The following STK4 variants were observed in gnomAD, a reference collection of about 807,000 sequenced individuals.
The protein encoded by STK4 is serine/threonine kinase 4, also known as serine/threonine-protein kinase 4.
Under a neutral mutation model 64.9 loss-of-function variants are expected in STK4, and 30 were observed. The observed-to-expected ratio is 0.46, with a 90% CI of 0.35 to 0.63. The LOEUF (loss-of-function observed/expected upper bound fraction) is 0.63. Ranked by LOEUF, STK4 falls within the 20% of genes least tolerant of loss-of-function variation. STK4 has a pLI of 0.01. For synonymous variants in STK4, 177 were observed against 199.0 expected (o/e 0.89, Z 0.93); for missense variants, 466 against 598.5 (o/e 0.78, Z 2.31).
intron 9 of STK4, chr20:45,007,765 A>T (rs1449904389): frequency 2.4e-6 from 1 of 418,428 alleles, no homozygotes; most frequent in East Asian, 7.2e-5. Flanking sequence ...TTATTTATTT[A>T]AAAAATTTCA....
At chr20:45,026,318 A>AGTGCGTGTGT (rs1555817268) in intron 10 of STK4, among the ~76,000 whole-genome samples, 1 of 145,688 alleles carries the variant, frequency 6.9e-6, no homozygotes, top group Non-Finnish European at 1.5e-5. Flanking sequence ...AGACAGAAAG[A>AGTGCGTGTGT]GTGTGTGTGT....
intron 2 of STK4, chr20:44,974,445 GCA>G (rs2067303277): frequency 6.6e-6 from 1 of 152,090 alleles, no homozygotes; most frequent in South Asian, 2.1e-4. Flanking sequence ...GACCTTCACT[GCA>G]CTTCTTTTCC....
intron 10 of STK4, among the ~76,000 whole-genome samples, chr20:45,058,025 TA>T (rs1978640183): frequency 6.6e-6 from 1 of 150,562 alleles, no homozygotes; most frequent in Non-Finnish European, 1.5e-5. Flanking sequence ...GAACAAATGA[TA>T]AAAACTTATA....
intron 10 of STK4, among the ~76,000 whole-genome samples, chr20:45,059,287 T>G (rs2145455765): frequency 6.6e-6 from 1 of 152,356 alleles, no homozygotes; most frequent in Admixed American, 6.5e-5. Flanking sequence ...CTTAGCAGCC[T>G]TAGTGTATGA....
chr20:45,040,446 T>A (rs2157362), intron 10 of STK4, among the ~76,000 whole-genome samples: 79,019 of 151,782 alleles, frequency 0.52, 21,731 homozygotes, highest in African/African-American at 0.68. Flanking sequence ...AATCCTTTCA[T>A]CTATTTCTTA....
In STK4 at chr20:45,076,611, T is replaced by C. The variant is rs1251279427; in HGVS notation, c.*1435T>C. 2.0e-5 allele frequency: 3 copies of C among 152,266 alleles called. No homozygotes were observed. Among genetic ancestry groups the C allele is most frequent in the African/African-American group, 2.4e-5 (1 of 41,428 alleles). The allele number at this position is 152,266 out of a possible 1,614,324, so 9.4% of individuals were successfully genotyped here. On this transcript the variant is annotated 3_prime_UTR_variant, in exon 11 of 11. Transcript: ENST00000372806. This position sits in a 1 kb window ranked among gnomAD's most constrained non-coding sequence, Gnocchi z 4.0. ...TGAGCTCCACAACATCTACCAGATA[T>C]AGCAGACAAGCACCCATGGAGGCAG...
At chr20:45,040,583 A>G (rs544684259) in intron 10 of STK4, among the ~76,000 whole-genome samples, 1 of 150,260 alleles carries the variant, frequency 6.7e-6, no homozygotes, top group South Asian at 2.1e-4. Flanking sequence ...GAGATGTGAG[A>G]TGTTCCAGGC....
intron 9 of STK4, among the ~76,000 whole-genome samples, chr20:45,012,949 T>C (rs1446968469): frequency 7.0e-4 from 1 of 1,430 alleles, no homozygotes; most frequent in Non-Finnish European, 2.5e-3. Flanking sequence ...ACACCTGTGA[T>C]TTTTTTTTTT....
rs181660080 is a variant in STK4 at position 45,064,100 on chromosome 20, G to A, written c.1306-10918G>A. ...TGGGATTACAGGCGTGAGCCACTGC[G>A]CCCGGCCAAGGGGGGGGGTCCAGTT... On this transcript the variant is annotated intron_variant, in intron 10 of 10. Coordinates refer to ENST00000372806, the MANE Select transcript of STK4 (RefSeq NM_006282.5). Among the ~76,000 whole-genome samples, 97 of 150,342 alleles carry A rather than the reference G, an allele frequency of 6.5e-4. No homozygotes were observed. The Middle Eastern group carries it at 0.01, about 16-fold the overall frequency.
At chr20:44,999,416 G>A (rs1352349419) in intron 7 of STK4, among the ~76,000 whole-genome samples, 1 of 152,152 alleles carries the variant, frequency 6.6e-6, no homozygotes, top group Admixed American at 6.5e-5. Context: ...GTTCTTACTT[G>A]GAACTTGTAT....
intron 10 of STK4, among the ~76,000 whole-genome samples, chr20:45,051,573 T>C (rs968613644): frequency 2.6e-5 from 4 of 152,188 alleles, no homozygotes. Flanking sequence ...TGTGGGTTGA[T>C]TTGTTGTGCT....
chr20:45,068,631 C>A (rs1371978158), intron 10 of STK4, among the ~76,000 whole-genome samples: 1 of 152,184 alleles, frequency 6.6e-6, no homozygotes, highest in Non-Finnish European at 1.5e-5. Context: ...TTCACAAACA[C>A]ACTCCCATTT....
rs902920403 is a variant in STK4, at chr20:44,981,738, G to C, written c.246-91G>C. 74 of 737,792 alleles carry C rather than the reference G, an allele frequency of 1.0e-4. No individual in the cohort carries two copies. In the African/African-American group the frequency reaches 1.1e-3, roughly 11 times the overall value. The allele number at this position is 737,792 out of a possible 1,614,324, so 45.7% of individuals were successfully genotyped here. On this transcript the variant is annotated intron_variant, in intron 3 of 10. Coordinates refer to ENST00000372806, the MANE Select transcript of STK4 (RefSeq NM_006282.5). ...TAACTATGAATAATTGATCTTTCCAGATGAGGAATTAATTTGTATATACTT... is the reference window on the plus strand; with the variant it reads ...TAACTATGAATAATTGATCTTTCCACATGAGGAATTAATTTGTATATACTT...
At chr20:45,033,351 C>G (rs1018189062) in intron 10 of STK4, among the ~76,000 whole-genome samples, 13 of 152,104 alleles carry the variant, frequency 8.5e-5, no homozygotes, top group Non-Finnish European at 5.9e-5. Context: ...TTCGCCAGGT[C>G]CTATATCCAG....
chr20:45,009,233 C>T (rs1188847483), intron 9 of STK4, among the ~76,000 whole-genome samples: 1 of 152,164 alleles, frequency 6.6e-6, no homozygotes, highest in Non-Finnish European at 1.5e-5. Flanking sequence ...GATAAGGATC[C>T]ACTTTCAATC....
At chr20:44,987,977 T>A (rs572720952) in intron 5 of STK4, among the ~76,000 whole-genome samples, 3 of 151,844 alleles carry the variant, frequency 2.0e-5, no homozygotes, top group African/African-American at 7.3e-5. Flanking sequence ...GTTTTTTTTT[T>A]ATTATTTTTT....
intron 9 of STK4, among the ~76,000 whole-genome samples, chr20:45,017,961 A>G (rs1370148132): frequency 6.6e-6 from 1 of 152,204 alleles, no homozygotes; most frequent in Non-Finnish European, 1.5e-5. Context: ...GATTCCAGCA[A>G]TTCTTAGTGG....
chr20:45,000,989 C>T (rs891168197), intron 8 of STK4, among the ~76,000 whole-genome samples, 178 bp from the exon 9 acceptor site: 2 of 152,170 alleles, frequency 1.3e-5, no homozygotes, highest in Admixed American at 6.5e-5. Context: ...CTTATTATCA[C>T]GTGGATAAAT....
At chr20:45,072,754 C>G (rs956670881) in intron 10 of STK4, among the ~76,000 whole-genome samples, 2 of 152,178 alleles carry the variant, frequency 1.3e-5, no homozygotes, top group Non-Finnish European at 2.9e-5. Context: ...ATGTTTGATT[C>G]TAGCTTGAAT....
Sources: gnomAD v4.1 joint callset for allele counts (sites outside exome capture counted in the v4.1 genomes callset) on GRCh38, gnomAD v4.1.1 for gene constraint, Gnocchi (gnomAD v3.1) non-coding constraint, MANE v1.5 for transcripts, NCBI Gene and HGNC (gene_info 2026-07-23, HGNC 2026-07-21) for gene names.